ASIC2: variants seen among roughly 807,000 people sequenced by gnomAD.
The protein encoded by ASIC2 is acid sensing ion channel subunit 2, also known as acid-sensing ion channel 2.
Under a neutral mutation model 57.3 loss-of-function variants are expected in ASIC2, and 25 were observed. The observed-to-expected ratio is 0.44, with a 90% confidence interval of 0.32 to 0.61. The LOEUF (loss-of-function observed/expected upper bound fraction) is 0.61, where lower values mean the gene tolerates loss of function less well. ASIC2 is among the 20% of genes least tolerant of loss of function. The pLI, the probability that ASIC2 is intolerant of heterozygous loss-of-function variation, is 0.06. For synonymous variants in ASIC2, 319 were observed against 307.5 expected (o/e 1.04, Z -0.39); for missense variants, 641 against 738.1 (o/e 0.87, Z 1.52).
At chr17:33,057,492 G>A (rs779804130) in intron 3 of ASIC2, among the ~76,000 whole-genome samples, 2 of 152,194 alleles carry the variant, frequency 1.3e-5, no homozygotes, top group Non-Finnish European at 2.9e-5. Flanking sequence ...CATGATGGCT[G>A]GAAGCCAATG....
At chr17:33,955,432 G>T (rs1463567920) in intron 1 of ASIC2, 2 of 152,236 alleles carry the variant, frequency 1.3e-5, no homozygotes, top group Non-Finnish European at 2.9e-5. Flanking sequence ...GAGAAAAAAA[G>T]GACTTCCAGC....
intron 1 of ASIC2, among the ~76,000 whole-genome samples, chr17:33,358,074 A>ATAGCC (rs1209227699): frequency 6.6e-6 from 1 of 152,226 alleles, no homozygotes; most frequent in Non-Finnish European, 1.5e-5. Flanking sequence ...TTGGCACACT[A>ATAGCC]TAGCCCACAG....
chr17:33,238,464 T>C (rs1597645382), intron 1 of ASIC2, among the ~76,000 whole-genome samples: 1 of 152,366 alleles, frequency 6.6e-6, no homozygotes, highest in African/African-American at 2.4e-5. Context: ...GGCAACACGC[T>C]GCTGCTTGGC....
intron 1 of ASIC2, among the ~76,000 whole-genome samples, chr17:33,896,460 C>T (rs1193018423): frequency 6.6e-6 from 1 of 152,234 alleles, no homozygotes; most frequent in African/African-American, 2.4e-5. Flanking sequence ...GACTCCGCAA[C>T]AGCCAGGGTA....
intron 1 of ASIC2, among the ~76,000 whole-genome samples, chr17:33,863,950 C>T (rs1914165348): frequency 6.7e-6 from 1 of 150,074 alleles, no homozygotes; most frequent in African/African-American, 2.5e-5. Flanking sequence ...ATTGTGCAGG[C>T]TAGAGTGCAA....
intron 1 of ASIC2, among the ~76,000 whole-genome samples, chr17:33,729,575 A>G (rs963519939): frequency 2.6e-5 from 4 of 152,234 alleles, no homozygotes; most frequent in African/African-American, 4.8e-5. Flanking sequence ...TTATACCCAC[A>G]GAGTCCAGAG....
At chr17:33,092,115 G>A (rs992144005) in intron 2 of ASIC2, among the ~76,000 whole-genome samples, 2 of 152,082 alleles carry the variant, frequency 1.3e-5, no homozygotes, top group African/African-American at 4.8e-5. Flanking sequence ...TGGAGTCCTG[G>A]GTAGTTTGGG....
chr17:33,672,675 GCCTGCTGATGT>G (rs1206698434), intron 1 of ASIC2, among the ~76,000 whole-genome samples: 1 of 152,164 alleles, frequency 6.6e-6, no homozygotes, highest in Non-Finnish European at 1.5e-5. Flanking sequence ...TTCCACCCCA[GCCTGCTGATGT>G]TATCTTCCTA....
intron 1 of ASIC2, among the ~76,000 whole-genome samples, chr17:33,400,044 T>C (rs1735993379): frequency 1.3e-5 from 2 of 152,354 alleles, no homozygotes; most frequent in East Asian, 3.9e-4. Flanking sequence ...CAGATGTCTG[T>C]TCTGGACCAT....
intron 1 of ASIC2, among the ~76,000 whole-genome samples, chr17:34,000,250 A>ATTTTTTTTT (rs199804905): frequency 8.4e-5 from 10 of 119,196 alleles, no homozygotes; most frequent in Admixed American, 2.6e-4. Flanking sequence ...GTGGAGATCT[A>ATTTTTTTTT]TTTTTTTTTT....
At chr17:34,038,164 G>A (rs4795848) in intron 1 of ASIC2, 144,343 of 1,611,848 alleles carry the variant, frequency 0.09, 7,736 homozygotes, top group East Asian at 0.2. Context: ...CTGGTTTGAG[G>A]TCATAGTGTA....
chr17:34,087,086 T>A (rs1358320358), intron 1 of ASIC2, among the ~76,000 whole-genome samples: 4 of 152,166 alleles, frequency 2.6e-5, no homozygotes, highest in Non-Finnish European at 5.9e-5. Flanking sequence ...GTCATTATGA[T>A]GTTAGCTGGT....
intron 1 of ASIC2, among the ~76,000 whole-genome samples, chr17:33,680,083 C>T (rs1353397193): frequency 6.6e-6 from 1 of 152,098 alleles, no homozygotes; most frequent in Non-Finnish European, 1.5e-5. Flanking sequence ...TGGAGGGAGG[C>T]TGGTGGTGTA....
At chr17:33,118,121 G>A (rs2092287968) in intron 1 of ASIC2, among the ~76,000 whole-genome samples, 2 of 152,208 alleles carry the variant, frequency 1.3e-5, no homozygotes, top group Admixed American at 6.5e-5. Context: ...TCCAGCAGCT[G>A]AATTGTAACT....
chr17:33,417,001 C>T (rs959985508), intron 1 of ASIC2, among the ~76,000 whole-genome samples: 1 of 151,808 alleles, frequency 6.6e-6, no homozygotes, highest in Non-Finnish European at 1.5e-5. Flanking sequence ...CCAGGTTCCA[C>T]TTTGTTAAAG....
intron 1 of ASIC2, among the ~76,000 whole-genome samples, chr17:33,390,689 G>A (rs7220946): frequency 2.6e-5 from 4 of 152,270 alleles, no homozygotes; most frequent in South Asian, 4.2e-4. Flanking sequence ...GTCCTCTGCC[G>A]CTAGGACCTC....
At chr17:33,948,115 G>T (rs1172079687) in intron 1 of ASIC2, among the ~76,000 whole-genome samples, 1 of 152,182 alleles carries the variant, frequency 6.6e-6, no homozygotes, top group Non-Finnish European at 1.5e-5. Flanking sequence ...ACTGTGCTAG[G>T]TGGGTGCTAA....
chr17:33,671,735 A>G (rs554688246), intron 1 of ASIC2, among the ~76,000 whole-genome samples: 2 of 152,338 alleles, frequency 1.3e-5, no homozygotes, highest in South Asian at 4.1e-4. Flanking sequence ...AGTCCAGATT[A>G]GATGTCAGTG....
intron 1 of ASIC2, among the ~76,000 whole-genome samples, chr17:33,147,700 A>G (rs2142025313): frequency 6.6e-6 from 1 of 152,338 alleles, no homozygotes; most frequent in African/African-American, 2.4e-5. Flanking sequence ...ACCCCACACT[A>G]CAGTGAAATC....
Sources: gnomAD v4.1 joint callset for allele counts (sites outside exome capture counted in the v4.1 genomes callset) on GRCh38, gnomAD v4.1.1 for gene constraint, MANE v1.5 for transcripts, NCBI Gene and HGNC (gene_info 2026-07-23, HGNC 2026-07-21) for gene names.